Variants in SNTG1 observed in about 807,000 individuals in gnomAD.
SNTG1 encodes the protein gamma-1-syntrophin.
SNTG1 carries 39 observed loss-of-function variants against 74.7 expected under a neutral mutation model. The ratio of observed to expected loss-of-function variants is 0.52; its 90% CI spans 0.40 to 0.68. The LOEUF is 0.68. SNTG1 is among the 30% of genes least tolerant of loss of function. The pLI is 0.00. For synonymous variants in SNTG1, 254 were observed against 217.1 expected (o/e 1.17, Z -1.49); for missense variants, 685 against 609.5 (o/e 1.12, Z -1.30).
chr8:50,672,788 TA>T (rs2095291073), intron 15 of SNTG1, among the ~76,000 whole-genome samples: 1 of 152,210 alleles, frequency 6.6e-6, no homozygotes, highest in African/African-American at 2.4e-5. Flanking sequence ...TGATATTGCC[TA>T]GGTTTTCTTC....
At chr8:50,704,030 C>T (rs2095435139) in intron 15 of SNTG1, among the ~76,000 whole-genome samples, 1 of 152,070 alleles carries the variant, frequency 6.6e-6, no homozygotes, top group Non-Finnish European at 1.5e-5. Context: ...TTGAAAACTT[C>T]TGGTAAGACC....
At chr8:50,428,129 C>T (rs1372613663) in intron 4 of SNTG1, among the ~76,000 whole-genome samples, 1 of 152,088 alleles carries the variant, frequency 6.6e-6, no homozygotes, top group Non-Finnish European at 1.5e-5. Flanking sequence ...GCCTAGACAA[C>T]ATAAACTACA....
At chr8:50,283,294 T>G (rs2088579554) in intron 2 of SNTG1, among the ~76,000 whole-genome samples, 1 of 152,280 alleles carries the variant, frequency 6.6e-6, no homozygotes, top group Non-Finnish European at 1.5e-5. Flanking sequence ...AACGGGATGG[T>G]TTTAAAGTTA....
At chr8:50,609,412 A>G (rs6473253) in intron 13 of SNTG1, among the ~76,000 whole-genome samples, 34,034 of 152,016 alleles carry the variant, frequency 0.22, 8,536 homozygotes, top group African/African-American at 0.62. Context: ...TAGCTGTTAC[A>G]CATATTGATA....
chr8:50,602,906 T>G (rs116737316), intron 13 of SNTG1, among the ~76,000 whole-genome samples: 14 of 151,954 alleles, frequency 9.2e-5, no homozygotes, highest in African/African-American at 3.4e-4. Flanking sequence ...GGTATTTTTT[T>G]TTTTTTTTTT....
chr8:50,677,430 G>C (rs1021139131), intron 15 of SNTG1, among the ~76,000 whole-genome samples: 5 of 151,834 alleles, frequency 3.3e-5, no homozygotes, highest in Non-Finnish European at 7.4e-5. Flanking sequence ...TAAGAAAAAA[G>C]CTAGAAAATG....
At chr8:50,111,993 A>G (rs550081793) in intron 1 of SNTG1, among the ~76,000 whole-genome samples, 3 of 152,304 alleles carry the variant, frequency 2.0e-5, no homozygotes, top group Admixed American at 2.0e-4. Context: ...GAAAAGGTGA[A>G]TGAATTATTT....
intron 17 of SNTG1, among the ~76,000 whole-genome samples, chr8:50,725,485 TTAA>T (rs2095497865): frequency 6.6e-6 from 1 of 152,136 alleles, no homozygotes; most frequent in Non-Finnish European, 1.5e-5. Context: ...AAATATAGTC[TTAA>T]TAATATAATA....
At chr8:50,002,909 C>A (rs1381852495) in intron 1 of SNTG1, among the ~76,000 whole-genome samples, 1 of 152,116 alleles carries the variant, frequency 6.6e-6, no homozygotes, top group Non-Finnish European at 1.5e-5. Flanking sequence ...GAATATTATA[C>A]AGCTGTGAGA....
chr8:50,408,076 A>G (rs2092902372), intron 4 of SNTG1, among the ~76,000 whole-genome samples: 1 of 152,238 alleles, frequency 6.6e-6, no homozygotes, highest in African/African-American at 2.4e-5. Context: ...CTGAGCAGCA[A>G]GCAATTATAA....
At chr8:50,787,330 A>G (rs2095678565) in intron 18 of SNTG1, among the ~76,000 whole-genome samples, 1 of 151,956 alleles carries the variant, frequency 6.6e-6, no homozygotes. Flanking sequence ...TTTTAAAAAA[A>G]GAAACTAGAC....
At chr8:50,024,871 G>C (rs200845694) in intron 1 of SNTG1, among the ~76,000 whole-genome samples, 1 of 152,104 alleles carries the variant, frequency 6.6e-6, no homozygotes, top group Non-Finnish European at 1.5e-5. Flanking sequence ...CTGGACAAAT[G>C]AATGATTCAT....
chr8:49,973,536 A>G (rs1257315662), intron 1 of SNTG1, among the ~76,000 whole-genome samples: 1 of 151,954 alleles, frequency 6.6e-6, no homozygotes, highest in Non-Finnish European at 1.5e-5. Context: ...AAAAGAAAAG[A>G]GTCTGGCTGA....
At chr8:50,489,544 CAT>C (rs1170238819) in intron 8 of SNTG1, among the ~76,000 whole-genome samples, 15 of 152,190 alleles carry the variant, frequency 9.9e-5, no homozygotes, top group Non-Finnish European at 1.6e-4. Flanking sequence ...GAGCTTTTCT[CAT>C]ATGTTTGTTG....
At chr8:50,101,805 G>C (rs943821683) in intron 1 of SNTG1, among the ~76,000 whole-genome samples, 1 of 151,750 alleles carries the variant, frequency 6.6e-6, no homozygotes, top group Non-Finnish European at 1.5e-5. Flanking sequence ...GAGAACATGC[G>C]GTGTTTGGTT....
chr8:50,616,194 G>T (rs1362762069), intron 13 of SNTG1, among the ~76,000 whole-genome samples: 3 of 152,224 alleles, frequency 2.0e-5, no homozygotes, highest in African/African-American at 7.2e-5. Context: ...TGACCAAACA[G>T]CTAGCCCAGA....
At chr8:50,288,257 T>A (rs769810072) in intron 2 of SNTG1, among the ~76,000 whole-genome samples, 9 of 152,162 alleles carry the variant, frequency 5.9e-5, no homozygotes, top group Non-Finnish European at 1.2e-4. Context: ...CTCTCATATT[T>A]TTTAAATACA....
At chr8:50,395,996 T>C (rs1227682540) in intron 3 of SNTG1, among the ~76,000 whole-genome samples, 6 of 152,232 alleles carry the variant, frequency 3.9e-5, no homozygotes, top group African/African-American at 7.2e-5. Flanking sequence ...AAATACTATT[T>C]AACAAATGGT....
chr8:50,228,767 A>G (rs916323824), intron 2 of SNTG1, among the ~76,000 whole-genome samples: 1 of 151,854 alleles, frequency 6.6e-6, no homozygotes, highest in East Asian at 1.9e-4. Context: ...ATGACTTGTG[A>G]GAAATGTTAA....
Sources: gnomAD v4.1 joint callset for allele counts (sites outside exome capture counted in the v4.1 genomes callset) on GRCh38, gnomAD v4.1.1 for gene constraint, MANE v1.5 for transcripts, NCBI Gene and HGNC (gene_info 2026-07-23, HGNC 2026-07-21) for gene names.